Variants in KIF5B observed in about 807,000 individuals in gnomAD.
KIF5B encodes kinesin-1 heavy chain.
A neutral mutation model predicts 132.8 loss-of-function variants in KIF5B; 49 were observed. The observed-to-expected ratio is 0.37, with a 90% CI of 0.29 to 0.47. KIF5B has a LOEUF of 0.47. Ranked by LOEUF, KIF5B falls within the 20% of genes least tolerant of loss-of-function variation. The probability of loss-of-function intolerance (pLI) is 1.00; values close to 1 mark genes in which losing one functional copy is unlikely to be tolerated. For missense variants in KIF5B, 780 were observed against 1,144.0 expected (o/e 0.68, Z 4.59); for synonymous variants, 355 against 369.4 (o/e 0.96, Z 0.45).
intron 3 of KIF5B, among the ~76,000 whole-genome samples, chr10:32,039,676 G>C (rs975785357): frequency 1.3e-5 from 2 of 152,098 alleles, no homozygotes; most frequent in Admixed American, 6.5e-5. Context: ...ATCCATGCTT[G>C]TAAAATGTTC....
chr10:32,049,272 C>T (rs1414039261), intron 1 of KIF5B, among the ~76,000 whole-genome samples: 2 of 152,064 alleles, frequency 1.3e-5, no homozygotes, highest in African/African-American at 4.8e-5. Flanking sequence ...ATTAAGTGAC[C>T]AGAATTCTGA....
chr10:32,018,166 G>T lies in KIF5B; in HGVS notation c.2440-10C>A. On this transcript the variant is annotated splice_polypyrimidine_tract_variant and intron_variant, in intron 22 of 25. Coordinates refer to ENST00000302418, the MANE Select transcript of KIF5B (RefSeq NM_004521.3). The stretch of plus-strand genomic sequence containing the variant: ...AATCAATCTCAGCACTCTGAGAAAA[G>T]AAGGTAAGTATTACAAAAAAATTAA... 1.3e-6 allele frequency: 2 copies of T among 1,567,856 alleles called. No individual in the cohort carries two copies. Among genetic ancestry groups the T allele is most frequent in the Non-Finnish European group, 1.7e-6 (2 of 1,153,418 alleles).
chr10:32,045,743 T>G (rs1050438555), intron 2 of KIF5B, among the ~76,000 whole-genome samples: 1 of 152,230 alleles, frequency 6.6e-6, no homozygotes, highest in South Asian at 2.1e-4. Context: ...GTTATTCAAC[T>G]GGTACTTTGG....
rs993636339 is a variant in KIF5B at position 32,015,574 on chromosome 10, G to A, written c.2847C>T (p.Asn949=). 1.2e-6 allele frequency: 2 copies of A among 1,613,710 alleles called. No individual in the cohort carries two copies. Among genetic ancestry groups the A allele is most frequent in the Non-Finnish European group, 1.7e-6 (2 of 1,179,746 alleles). Reference sequence around the variant, plus strand: ...CACCTCGCACTGCCACTGGCTGGCTGTTCTGAACAAATGCACCTCCTCCAC... The same window carrying A: ...CACCTCGCACTGCCACTGGCTGGCTATTCTGAACAAATGCACCTCCTCCAC... The part of the protein sequence containing the change: ...AIRGGGAFVQ[N]SQPVAVRGGG... The change falls in exon 25 of 26, where the codon AAC becomes AAT. Residue 949 remains asparagine (N), a synonymous_variant. Transcript: ENST00000302418.
intron 15 of KIF5B, among the ~76,000 whole-genome samples, chr10:32,025,210 C>T (rs1345304854): frequency 1.3e-5 from 2 of 152,222 alleles, no homozygotes; most frequent in Non-Finnish European, 2.9e-5. Context: ...GAACAGCAGA[C>T]TCTCATTCAT....
At position 32,037,393 on chromosome 10, in the gene KIF5B, C is replaced by T. The variant is rs1564468486; in HGVS notation, c.587-15G>A. 1.9e-6 allele frequency: 3 copies of T among 1,608,300 alleles called. No individual in the cohort carries two copies. The South Asian group carries it at 3.3e-5, about 18-fold the overall frequency. On this transcript the variant is annotated splice_polypyrimidine_tract_variant and intron_variant, in intron 7 of 25. Coordinates refer to ENST00000302418, the MANE Select transcript of KIF5B (RefSeq NM_004521.3). ...TTCATTCATATCTGCAAGGAAATTA[C>T]ACAAACAAATATAAACAAACATGAT...
At position 32,039,440 on chromosome 10, in the gene KIF5B, A is replaced by G; in HGVS notation, c.289-9T>C. ...GGATCATGAAGTTTACCCTAAACAA[A>G]AAACAAAACTAGACTTCTTAAATAA... On this transcript the variant is annotated splice_polypyrimidine_tract_variant and intron_variant, in intron 3 of 25. Coordinates refer to ENST00000302418, the MANE Select transcript of KIF5B (RefSeq NM_004521.3). 8.7e-7 allele frequency: 1 copy of G among 1,155,526 alleles called. No individual in the cohort carries two copies. 71.6% of individuals were successfully genotyped at this position (1,155,526 alleles called of 1,614,324 possible).
intron 2 of KIF5B, among the ~76,000 whole-genome samples, chr10:32,044,728 A>T (rs1841587553): frequency 6.6e-6 from 1 of 152,138 alleles, no homozygotes; most frequent in Non-Finnish European, 1.5e-5. Flanking sequence ...TTAGCAGCTG[A>T]TACCTGTATT....
chr10:32,032,748 T>C lies in KIF5B; in HGVS notation c.1332A>G (p.Gln444=), dbSNP rs201631298. The change falls in exon 13 of 26, where the codon CAA becomes CAG. Residue 444 remains glutamine (Q), a synonymous_variant. Transcript: ENST00000302418. ...TTTGCGTCTTCAGTTTCTCTACCAG[T>C]TGACTTTGCTGGTTAATTTCTTCAT... ...DKDEEINQQS[Q]LVEKLKTQML... 3.4e-5 allele frequency: 55 copies of C among 1,613,954 alleles called. No individual in the cohort carries two copies. In the East Asian group the frequency reaches 1.1e-3, roughly 32 times the overall value.
intron 1 of KIF5B, 67 bp downstream of exon 1, chr10:32,055,781 T>C: frequency 5.7e-6 from 9 of 1,583,982 alleles, no homozygotes; most frequent in Non-Finnish European, 7.7e-6. Context: ...CCCTGCCACT[T>C]CCCTAAACTC....
intron 2 of KIF5B, among the ~76,000 whole-genome samples, chr10:32,044,294 T>C (rs1281318199): frequency 6.6e-6 from 1 of 152,212 alleles, no homozygotes; most frequent in South Asian, 2.1e-4. Context: ...GGAAGTCTAA[T>C]TTTGTACAGT....
Position 32,056,091 on chromosome 10 carries a change from C to T in KIF5B, c.-118G>A. On this transcript the variant is annotated 5_prime_UTR_variant, in exon 1 of 26. Transcript: ENST00000302418. ...GGCCGTGAGAGGCAGCAGTCAGCTGCGCCGCGCTGCGCTTCCCCGGGTGGA... is the reference window on the plus strand; with the variant it reads ...GGCCGTGAGAGGCAGCAGTCAGCTGTGCCGCGCTGCGCTTCCCCGGGTGGA... 7.9e-7 allele frequency: 1 copy of T among 1,271,802 alleles called. No homozygotes were observed. The highest frequency in any genetic ancestry group is 1.1e-6 in the Non-Finnish European group (1 of 936,696). The allele number at this position is 1,271,802 out of a possible 1,614,324, so 78.8% of individuals were successfully genotyped here.
intron 15 of KIF5B, among the ~76,000 whole-genome samples, 156 bp downstream of exon 15, chr10:32,028,272 C>A (rs1374590021): frequency 1.3e-5 from 2 of 152,180 alleles, no homozygotes; most frequent in Non-Finnish European, 2.9e-5. Flanking sequence ...CTTGCTCTCT[C>A]CTGATCTATT....
chr10:32,024,639 C>A (rs1490624797), intron 15 of KIF5B, among the ~76,000 whole-genome samples: 3 of 151,736 alleles, frequency 2.0e-5, no homozygotes, highest in Admixed American at 1.3e-4. Context: ...GTAGTGGGAG[C>A]CTGTAGTCCC....
At chr10:32,032,566 AC>A in intron 13 of KIF5B, 139 bp downstream of exon 13, 5 of 675,094 alleles carry the variant, frequency 7.4e-6, no homozygotes, top group Non-Finnish European at 1.1e-5. Context: ...GTAAAAATTC[AC>A]TTTATCCATG....
chr10:32,037,732 C>T, intron 6 of KIF5B, 125 bp from the exon 7 acceptor site: 1 of 665,840 alleles, frequency 1.5e-6, no homozygotes, highest in Admixed American at 2.7e-5. Context: ...ACTTGGGAGG[C>T]TGAGGCAGGA....
intron 12 of KIF5B, 74 bp from the exon 13 acceptor site, chr10:32,032,848 G>A: frequency 9.9e-7 from 1 of 1,011,976 alleles, no homozygotes; most frequent in South Asian, 1.3e-5. Context: ...CAGGTTATAA[G>A]ATTACTACTC....
intron 2 of KIF5B, among the ~76,000 whole-genome samples, chr10:32,046,369 CT>C (rs1202795657): frequency 6.6e-6 from 1 of 152,148 alleles, no homozygotes; most frequent in African/African-American, 2.4e-5. Flanking sequence ...CATGATGACC[CT>C]GTTCCTCTTT....
intron 15 of KIF5B, among the ~76,000 whole-genome samples, chr10:32,024,751 C>T (rs931955513): frequency 6.6e-5 from 10 of 151,414 alleles, no homozygotes; most frequent in African/African-American, 2.4e-4. Flanking sequence ...GGCGACAGAG[C>T]GAGACTCCAT....
Sources: gnomAD v4.1 joint callset for allele counts (sites outside exome capture counted in the v4.1 genomes callset) on GRCh38, gnomAD v4.1.1 for gene constraint, MANE v1.5 for transcripts, NCBI Gene and HGNC (gene_info 2026-07-23, HGNC 2026-07-21) for gene names.